Variants in FAM184A observed in about 807,000 individuals in gnomAD.
The protein encoded by FAM184A is protein FAM184A.
FAM184A carries 99 observed loss-of-function variants against 143.8 expected under a neutral mutation model. The ratio of observed to expected loss-of-function variants is 0.69; its 90% CI spans 0.58 to 0.81. The LOEUF is 0.81. Among genes scored for constraint, FAM184A ranks in the 40% least tolerant of loss-of-function variants. The pLI is 0.00. For synonymous variants in FAM184A, 427 were observed against 446.4 expected (o/e 0.96, Z 0.55); for missense variants, 1,217 against 1,310.5 (o/e 0.93, Z 1.10).
At chr6:119,001,210 CT>C (rs1364409525) in intron 9 of FAM184A, among the ~76,000 whole-genome samples, 3 of 150,170 alleles carry the variant, frequency 2.0e-5, no homozygotes, top group Non-Finnish European at 3.0e-5. Flanking sequence ...CACTTGTTTT[CT>C]TAATTTTCTT....
At chr6:119,020,210 A>T (rs374725158) in intron 3 of FAM184A, 51 bp from the exon 4 acceptor site, 102 of 1,382,086 alleles carry the variant, frequency 7.4e-5, no homozygotes, top group Non-Finnish European at 9.3e-5. Flanking sequence ...TTGTACTATG[A>T]GATAAACAGT....
chr6:118,990,664 G>A lies in FAM184A; in HGVS notation c.2089-10314C>T, dbSNP rs145278354. Among the ~76,000 whole-genome samples the A allele has an allele frequency of 9.2e-3, 1,398 of 151,324 alleles. 24 individuals carry two copies. Among genetic ancestry groups the A allele is most frequent in the Middle Eastern group, 0.055 (16 of 292 alleles). The stretch of plus-strand genomic sequence containing the variant: ...GTGGATCACTTGAGGTCAGGATTTC[G>A]AGACCAGCCTGGCCAACATGGCGAA... On this transcript the variant is annotated intron_variant, in intron 9 of 17. Coordinates refer to ENST00000338891, the MANE Select transcript of FAM184A (RefSeq NM_024581.6).
intron 1 of FAM184A, among the ~76,000 whole-genome samples, chr6:119,040,427 G>C (rs138718471): frequency 6.6e-6 from 1 of 152,244 alleles, no homozygotes; most frequent in East Asian, 1.9e-4. Context: ...AAATTCCCCA[G>C]AGTAATTCCT....
intron 1 of FAM184A, among the ~76,000 whole-genome samples, chr6:119,036,633 G>A (rs1357491041): frequency 6.6e-6 from 1 of 151,862 alleles, no homozygotes; most frequent in African/African-American, 2.4e-5. Context: ...CTGTGCAATG[G>A]GATCTGTGCT....
chr6:119,000,579 T>A (rs1489420919), intron 9 of FAM184A, among the ~76,000 whole-genome samples: 1 of 152,216 alleles, frequency 6.6e-6, no homozygotes, highest in Non-Finnish European at 1.5e-5. Context: ...ATGGCCGGCT[T>A]AAATCTAATT....
intron 1 of FAM184A, among the ~76,000 whole-genome samples, chr6:119,137,972 A>C (rs1424423337): frequency 6.6e-6 from 1 of 152,244 alleles, no homozygotes; most frequent in East Asian, 1.9e-4. Context: ...GGAAGTCAGA[A>C]CAGCTGTGTT....
At chr6:119,079,161 C>T (rs1787989101), upstream of FAM184A, 1 of 152,330 alleles carries the variant, frequency 6.6e-6, no homozygotes, top group Non-Finnish European at 1.5e-5. Context: ...CCTGACCTTC[C>T]TTCCAATGGC....
At chr6:119,132,007 G>A (rs1030519313) in intron 1 of FAM184A, among the ~76,000 whole-genome samples, 3 of 152,166 alleles carry the variant, frequency 2.0e-5, no homozygotes, top group African/African-American at 4.8e-5. Context: ...ATCTTCCAAG[G>A]AAAGCTTGTA....
intron 1 of FAM184A, among the ~76,000 whole-genome samples, chr6:119,089,569 C>G (rs1020517017): frequency 3.9e-5 from 6 of 152,204 alleles, no homozygotes; most frequent in Non-Finnish European, 8.8e-5. Flanking sequence ...TCCCAAAGCA[C>G]TGGGATTACA....
chr6:118,962,050 G>A, intron 16 of FAM184A, 87 bp from the exon 17 acceptor site: 1 of 1,399,216 alleles, frequency 7.1e-7, no homozygotes, highest in Middle Eastern at 1.8e-4. Context: ...AATTTGGCAT[G>A]GGAAAATTTT....
chr6:119,093,255 C>G (rs1428218608), intron 1 of FAM184A, among the ~76,000 whole-genome samples: 2 of 152,086 alleles, frequency 1.3e-5, no homozygotes, highest in Non-Finnish European at 2.9e-5. Context: ...CTCTTATGCC[C>G]ACTTCCTTGA....
At chr6:118,999,638 C>A (rs561632500) in intron 9 of FAM184A, among the ~76,000 whole-genome samples, 1 of 152,308 alleles carries the variant, frequency 6.6e-6, no homozygotes, top group South Asian at 2.1e-4. Context: ...CCCAAGCACA[C>A]TGGCTATATT....
chr6:119,088,585 A>G (rs1788288530), intron 1 of FAM184A, among the ~76,000 whole-genome samples: 1 of 152,090 alleles, frequency 6.6e-6, no homozygotes, highest in African/African-American at 2.4e-5. Context: ...CTACAAAAGC[A>G]CCTGTACTAA....
chr6:118,961,972 A>C lies in FAM184A; in HGVS notation c.3139-9T>G. ...TCATTCTTCTTCTTTTGCTGCATTA[A>C]AAATAATACATGTGAGGATAGTCCC... On this transcript the variant is annotated splice_polypyrimidine_tract_variant and intron_variant, in intron 16 of 17. Transcript: ENST00000338891. 6.2e-7 allele frequency: 1 copy of C among 1,611,564 alleles called. No individual in the cohort carries two copies. Among genetic ancestry groups the C allele is most frequent in the South Asian group, 1.1e-5 (1 of 91,012 alleles).
intron 1 of FAM184A, among the ~76,000 whole-genome samples, chr6:119,054,785 T>G (rs1319286586): frequency 6.6e-6 from 1 of 152,146 alleles, no homozygotes; most frequent in African/African-American, 2.4e-5. Context: ...GGCAGAGAAA[T>G]TCACATAGAC....
At chr6:118,966,477 T>C (rs1243353110) in intron 15 of FAM184A, among the ~76,000 whole-genome samples, 2 of 152,190 alleles carry the variant, frequency 1.3e-5, no homozygotes, top group East Asian at 1.9e-4. Context: ...AATGCATGAA[T>C]GTGCTGGCTT....
intron 12 of FAM184A, 92 bp downstream of exon 12, chr6:118,975,825 A>G (rs1187759150): frequency 3.2e-6 from 4 of 1,236,768 alleles, no homozygotes; most frequent in African/African-American, 1.5e-5. Context: ...ACTAGTGAAA[A>G]TAAGTTATTA....
chr6:119,093,307 A>G (rs560123008), intron 1 of FAM184A, among the ~76,000 whole-genome samples: 1 of 152,188 alleles, frequency 6.6e-6, no homozygotes, highest in African/African-American at 2.4e-5. Context: ...TGGCATCTCT[A>G]CATTGTTATC....
intron 9 of FAM184A, among the ~76,000 whole-genome samples, chr6:118,998,475 G>T (rs924183099): frequency 2.0e-5 from 3 of 152,202 alleles, no homozygotes; most frequent in Non-Finnish European, 2.9e-5. Context: ...ATAGGTGAGA[G>T]AATCAATATA....
Sources: allele counts gnomAD v4.1 joint callset (sites outside exome capture counted in the v4.1 genomes callset), GRCh38; gene constraint gnomAD v4.1.1; transcripts MANE v1.5; gene names NCBI Gene and HGNC (gene_info 2026-07-23, HGNC 2026-07-21).